The following EVC2 variants were observed in gnomAD, a reference collection of about 807,000 sequenced individuals.
EVC2 encodes EvC ciliary complex subunit 2.
In EVC2, 148 loss-of-function variants were observed where a neutral mutation model predicts 149.3. The observed-to-expected ratio is 0.99, with a 90% CI of 0.87 to 1.14. EVC2 has a LOEUF of 1.14. Ranked by LOEUF, EVC2 falls within the 50% of genes most tolerant of loss-of-function variation. The pLI is 0.00. For missense variants in EVC2, 1,854 were observed against 1,627.3 expected, an observed-to-expected ratio of 1.14 and a Z score of -2.40; for synonymous variants, 776 against 649.9, an observed-to-expected ratio of 1.19 and a Z score of -2.95.
Position 5,689,350 on chromosome 4 carries a change from C to T in EVC2, c.520-7G>A. ...CTTCACTCGACCCAGACACCTAGGG[C>T]AGAAGGAGAAGGCATGAGGGCAGAT... On this transcript the variant is annotated splice_region_variant and splice_polypyrimidine_tract_variant and intron_variant, in intron 4 of 21. Coordinates refer to ENST00000344408, the MANE Select transcript of EVC2 (RefSeq NM_147127.5). 1.2e-6 allele frequency: 2 copies of T among 1,613,906 alleles called. No homozygotes were observed. Among genetic ancestry groups the T allele is most frequent in the Non-Finnish European group, 1.7e-6 (2 of 1,180,016 alleles).
At position 5,563,073 on chromosome 4, in the gene EVC2, T is replaced by G. The variant is rs375566943; in HGVS notation, c.3702A>C (p.Ile1234=). The part of the protein sequence containing the change: ...KTCLPLRERM[I]FSGKGSWPHL... ...GTGGCCAACTTCCTTTTCCAGAGAA[T>G]ATCATCCTCTCTCTGAGAGGGAGAC... The change falls in exon 22 of 22, where the codon ATA becomes ATC. Residue 1234 remains isoleucine (I), a synonymous_variant. Transcript: ENST00000344408. 2 of 1,614,162 alleles carry G rather than the reference T, an allele frequency of 1.2e-6. No individual in the cohort carries two copies. The highest frequency in any genetic ancestry group is 1.7e-6 in the Non-Finnish European group (2 of 1,180,034).
At chr4:5,598,906 C>T (rs1174299781) in intron 16 of EVC2, among the ~76,000 whole-genome samples, 14 of 152,220 alleles carry the variant, frequency 9.2e-5, no homozygotes, top group African/African-American at 1.7e-4. Flanking sequence ...AAAAAGTGGG[C>T]GAAGGACATG....
intron 16 of EVC2, among the ~76,000 whole-genome samples, chr4:5,589,804 C>G (rs1712623605): frequency 1.3e-5 from 2 of 152,088 alleles, no homozygotes; most frequent in African/African-American, 4.8e-5. Flanking sequence ...GCAGAAGTCC[C>G]TCATAGGGTT....
the EVC2 span, among the ~76,000 whole-genome samples, chr4:5,536,600 T>A: frequency 2.0e-5 from 3 of 152,012 alleles, no homozygotes; most frequent in Non-Finnish European, 4.4e-5. Context: ...TTGGCTAACA[T>A]GGTGAAACCC....
Position 5,567,867 on chromosome 4 carries a change from A to G in EVC2, c.3557+577T>C, listed in dbSNP as rs567904656. On this transcript the variant is annotated intron_variant, in intron 20 of 21. Coordinates refer to ENST00000344408, the MANE Select transcript of EVC2 (RefSeq NM_147127.5). The surrounding 1 kb of genome is among the most constrained non-coding windows in gnomAD (Gnocchi z 4.4). ...AAAGAATAAAATTTAAATGAATAAC[A>G]CTAGCAGGAAATAGAATCTAAGTAA... 6.6e-6 allele frequency among the ~76,000 whole-genome samples: 1 copy of G among 152,226 alleles called. No individual in the cohort carries two copies. Among genetic ancestry groups the G allele is most frequent in the East Asian group, 1.9e-4 (1 of 5,178 alleles).
At chr4:5,699,217 G>A (rs752284431) in intron 1 of EVC2, among the ~76,000 whole-genome samples, 1 of 152,174 alleles carries the variant, frequency 6.6e-6, no homozygotes, top group Non-Finnish European at 1.5e-5. Context: ...AGGGAAAATG[G>A]GTGCAGCTCG....
intron 9 of EVC2, among the ~76,000 whole-genome samples, chr4:5,651,919 C>A (rs1718170913): frequency 6.6e-6 from 1 of 152,216 alleles, no homozygotes; most frequent in South Asian, 2.1e-4. Context: ...CCATGACAAC[C>A]TTGCATATAT....
At chr4:5,643,578 A>G (rs1201801895) in intron 9 of EVC2, among the ~76,000 whole-genome samples, 1 of 152,184 alleles carries the variant, frequency 6.6e-6, no homozygotes, top group African/African-American at 2.4e-5. Flanking sequence ...GGCCCCTAAG[A>G]GGGCAGAGGT....
At position 5,708,336 on chromosome 4, in the gene EVC2, G is replaced by C. The variant is rs1722349698; in HGVS notation, c.178C>G (p.Leu60Val). The C allele has an allele frequency of 6.8e-7, 1 of 1,475,092 alleles. No homozygotes were observed. Among genetic ancestry groups the C allele is most frequent in the African/African-American group, 1.5e-5 (1 of 68,074 alleles). 91.4% of individuals were successfully genotyped at this position (1,475,092 alleles called of 1,614,324 possible). The part of the protein sequence containing the change: ...PQVAPRSGPG[L>V]RIPPGRSGAG... Reference sequence around the variant, plus strand: ...CCGCTCCGCCCCGGAGGGATCCTCAGGCCGGGCCCAGACCTAGGAGCCACC... The same window carrying C: ...CCGCTCCGCCCCGGAGGGATCCTCACGCCGGGCCCAGACCTAGGAGCCACC... Residue 60 changes from leucine to valine, a missense_variant, in exon 1 of 22, where the codon CTG becomes GTG. Coordinates refer to ENST00000344408, the MANE Select transcript of EVC2 (RefSeq NM_147127.5).
In EVC2 at chr4:5,631,892, C is replaced by T; in HGVS notation, c.1611G>A (p.Leu537=). The change falls in exon 11 of 22, where the codon CTG becomes CTA. Residue 537 remains leucine, a synonymous_variant. Transcript: ENST00000344408. ...TTATCTGGGTAAAAAAGATACTGTG[C>T]AGTTCATTTCTCTGGAAAACAGCCA... The part of the protein sequence containing the change: ...RQLAVFQRNE[L]HSIFFTQIKS... The T allele has an allele frequency of 6.2e-7, 1 of 1,614,218 alleles. No individual in the cohort carries two copies. Among genetic ancestry groups the T allele is most frequent in the Non-Finnish European group, 8.5e-7 (1 of 1,180,044 alleles).
At chr4:5,611,235 T>C (rs1328700164) in intron 16 of EVC2, among the ~76,000 whole-genome samples, 1 of 152,202 alleles carries the variant, frequency 6.6e-6, no homozygotes, top group Non-Finnish European at 1.5e-5. Flanking sequence ...TGCCTGGTGG[T>C]GGACCCTGGG....
At chr4:5,581,676 G>GT (rs1306873705) in intron 17 of EVC2, among the ~76,000 whole-genome samples, 1 of 151,896 alleles carries the variant, frequency 6.6e-6, no homozygotes, top group Non-Finnish European at 1.5e-5. Context: ...GGGAAGCTGA[G>GT]TGTAAAAGTG....
At chr4:5,682,724 T>G (rs1338659649) in intron 6 of EVC2, among the ~76,000 whole-genome samples, 2 of 150,958 alleles carry the variant, frequency 1.3e-5, no homozygotes, top group East Asian at 3.9e-4. Flanking sequence ...CCAGGTGTGG[T>G]GGTGGGTGCC....
rs1352979058 is a variant in EVC2, at chr4:5,584,857, G to A, written c.2830-7C>T. On this transcript the variant is annotated splice_polypyrimidine_tract_variant and splice_region_variant and intron_variant, in intron 16 of 21. Transcript: ENST00000344408. Reference sequence around the variant, plus strand: ...GCAGCAATTCACCTCGAACCTGGGAGGGGACAGGGATGGACCCAAACCCAG... The same window carrying A: ...GCAGCAATTCACCTCGAACCTGGGAAGGGACAGGGATGGACCCAAACCCAG... 1 of 1,614,142 alleles carries A rather than the reference G, an allele frequency of 6.2e-7. No individual in the cohort carries two copies. Among genetic ancestry groups the A allele is most frequent in the Non-Finnish European group, 8.5e-7 (1 of 1,180,022 alleles).
At chr4:5,545,055 A>G (rs1414225211) in intron 21 of EVC2, among the ~76,000 whole-genome samples, 2 of 152,120 alleles carry the variant, frequency 1.3e-5, no homozygotes, top group Non-Finnish European at 2.9e-5. Flanking sequence ...GCAACGTTCT[A>G]TTCTTCGTGT....
At chr4:5,535,152 G>A in the EVC2 span, among the ~76,000 whole-genome samples, 10 of 152,146 alleles carry the variant, frequency 6.6e-5, no homozygotes, top group African/African-American at 2.4e-4. The surrounding 1 kb of genome is among the most constrained non-coding windows in gnomAD (Gnocchi z 4.7). Context: ...CACCTGCAGT[G>A]AGGACCGCCC....
intron 7 of EVC2, among the ~76,000 whole-genome samples, chr4:5,665,881 T>C (rs924201731): frequency 1.4e-4 from 21 of 152,152 alleles, no homozygotes; most frequent in Non-Finnish European, 2.9e-4. Context: ...GCATGGTGAT[T>C]TGCACACAAT....
downstream of EVC2, among the ~76,000 whole-genome samples, chr4:5,539,922 G>A (rs987825992): frequency 6.6e-6 from 1 of 152,102 alleles, no homozygotes; most frequent in East Asian, 1.9e-4. Flanking sequence ...AAAAGATACC[G>A]CTGAAAGAAT....
intron 16 of EVC2, among the ~76,000 whole-genome samples, chr4:5,604,004 C>G (rs1196727884): frequency 6.6e-6 from 1 of 152,174 alleles, no homozygotes; most frequent in Non-Finnish European, 1.5e-5. Context: ...GCTTTAGGCT[C>G]TGTTCTACCA....
Sources: allele counts gnomAD v4.1 joint callset (sites outside exome capture counted in the v4.1 genomes callset), GRCh38; gene constraint gnomAD v4.1.1; non-coding constraint Gnocchi (gnomAD v3.1); transcripts MANE v1.5; gene names NCBI Gene and HGNC (gene_info 2026-07-23, HGNC 2026-07-21).